DRICH1: variants seen among roughly 807,000 people sequenced by gnomAD.
DRICH1 encodes aspartate rich 1, also known as aspartate-rich protein 1.
DRICH1 carries 38 observed loss-of-function variants against 39.5 expected under a neutral mutation model. That is an observed-to-expected ratio of 0.96 (90% CI 0.74 to 1.26). The LOEUF is 1.26. Ranked by LOEUF, DRICH1 falls within the 50% of genes most tolerant of loss-of-function variation. The pLI is 0.00. For missense variants in DRICH1, 279 were observed against 270.4 expected, an observed-to-expected ratio of 1.03 and a Z score of -0.22; for synonymous variants, 84 against 99.5, an observed-to-expected ratio of 0.84 and a Z score of 0.93.
the DRICH1 span, among the ~76,000 whole-genome samples, chr22:23,601,157 C>T: frequency 9.2e-5 from 14 of 151,862 alleles, no homozygotes; most frequent in Non-Finnish European, 1.6e-4. Context: ...CACACACACA[C>T]ACACACACAC....
At chr22:23,606,558 T>C (rs564500856), downstream of DRICH1, among the ~76,000 whole-genome samples, 2 of 152,274 alleles carry the variant, frequency 1.3e-5, no homozygotes, top group Non-Finnish European at 2.9e-5. Flanking sequence ...CAAGCTCTTC[T>C]CAAAGGCTGG....
At chr22:23,605,851 T>A (rs1472056635), downstream of DRICH1, among the ~76,000 whole-genome samples, 3 of 151,374 alleles carry the variant, frequency 2.0e-5, no homozygotes, top group South Asian at 2.1e-4. Context: ...GAGGCCGGGG[T>A]GGGTGGATAA....
chr22:23,619,782 C>G (rs904550747), intron 5 of DRICH1, among the ~76,000 whole-genome samples: 1 of 152,194 alleles, frequency 6.6e-6, no homozygotes, highest in Non-Finnish European at 1.5e-5. Flanking sequence ...GCAGTGAGCC[C>G]AGAGTGAATT....
At chr22:23,603,488 G>T (rs114896487), downstream of DRICH1, among the ~76,000 whole-genome samples, 667 of 152,150 alleles carry the variant, frequency 4.4e-3, 5 homozygotes, top group African/African-American at 0.015. Flanking sequence ...CTGATGATCA[G>T]TCTCCTACCC....
the DRICH1 span, among the ~76,000 whole-genome samples, chr22:23,591,659 G>T: frequency 6.6e-6 from 1 of 152,166 alleles, no homozygotes; most frequent in Non-Finnish European, 1.5e-5. Context: ...TGAGGCGTAG[G>T]GGGTCCTGTC....
chr22:23,603,223 A>AT, the DRICH1 span, among the ~76,000 whole-genome samples: 55,379 of 150,884 alleles, frequency 0.37, 10,646 homozygotes, highest in East Asian at 0.57. Flanking sequence ...CATTTTTATG[A>AT]TTTTTCATAC....
the DRICH1 span, among the ~76,000 whole-genome samples, chr22:23,603,405 A>G: frequency 6.6e-6 from 1 of 151,288 alleles, no homozygotes; most frequent in Non-Finnish European, 1.5e-5. Context: ...GGACCTGGCT[A>G]CCCCCACTCT....
intron 3 of DRICH1, among the ~76,000 whole-genome samples, chr22:23,622,480 T>TGAAACTCTTCAAAACCTGA (rs1377481783): frequency 6.6e-6 from 1 of 152,018 alleles, no homozygotes; most frequent in Non-Finnish European, 1.5e-5. Context: ...TCAAATGTTT[T>TGAAACTCTTCAAAACCTGA]GAAACTCTTC....
downstream of DRICH1, among the ~76,000 whole-genome samples, chr22:23,606,161 G>T (rs1249557164): frequency 6.6e-6 from 1 of 151,498 alleles, no homozygotes; most frequent in African/African-American, 2.4e-5. Context: ...GCTAGTGTCT[G>T]CCCAGGCCCC....
the DRICH1 span, among the ~76,000 whole-genome samples, chr22:23,594,585 T>C: frequency 2.4e-4 from 37 of 152,350 alleles, no homozygotes; most frequent in African/African-American, 8.7e-4. Context: ...TTAGTCATTG[T>C]TGAAGTTCAA....
intron 3 of DRICH1, among the ~76,000 whole-genome samples, chr22:23,622,540 G>A (rs1490211238): frequency 2.6e-5 from 4 of 152,086 alleles, no homozygotes; most frequent in Non-Finnish European, 5.9e-5. Flanking sequence ...CAGTACACTA[G>A]GATCCAATTA....
the DRICH1 span, among the ~76,000 whole-genome samples, chr22:23,592,364 G>A: frequency 2.7e-5 from 4 of 150,868 alleles, no homozygotes; most frequent in African/African-American, 9.7e-5. Flanking sequence ...GAGAGGAGGT[G>A]GCATCCAGTG....
At chr22:23,628,430 G>A (rs1045502621) in intron 1 of DRICH1, among the ~76,000 whole-genome samples, 3 of 152,126 alleles carry the variant, frequency 2.0e-5, no homozygotes, top group African/African-American at 4.8e-5. Flanking sequence ...AGTTGGGTGC[G>A]GTGGCACATG....
At position 23,614,147 on chromosome 22, in the gene DRICH1, A is replaced by G; in HGVS notation, c.609T>C (p.Asp203=). The change falls in exon 9 of 12, where the codon GAT becomes GAC. Residue 203 remains aspartate, a synonymous_variant. Transcript: ENST00000317749. ...AGGGAGGTCTTACGTGGATGTCATC[A>G]TCATCTTCTTCTTCTTCATCTTTGT... ...LRHKDEEEED[D]DDIHITARIE... The G allele has an allele frequency of 1.2e-6, 2 of 1,612,004 alleles. 1 individual carries two copies. The highest frequency in any genetic ancestry group is 2.2e-5 in the South Asian group (2 of 91,034).
chr22:23,598,822 T>TTCCATACAGGTGTGC, the DRICH1 span, among the ~76,000 whole-genome samples: 5 of 152,112 alleles, frequency 3.3e-5, no homozygotes, highest in East Asian at 7.8e-4. Context: ...TACAAGTGTG[T>TTCCATACAGGTGTGC]TCCATACAGG....
the DRICH1 span, among the ~76,000 whole-genome samples, chr22:23,602,980 C>T: frequency 3.3e-5 from 5 of 151,144 alleles, no homozygotes; most frequent in East Asian, 7.8e-4. Flanking sequence ...AGGCTGTTTC[C>T]ACTTTTCCCT....
At chr22:23,590,501 C>T in the DRICH1 span, among the ~76,000 whole-genome samples, 1 of 152,202 alleles carries the variant, frequency 6.6e-6, no homozygotes, top group South Asian at 2.1e-4. Flanking sequence ...TGGTCTCAAA[C>T]TCCTGAGCTC....
chr22:23,622,588 ATTAC>A (rs934133359), intron 3 of DRICH1, among the ~76,000 whole-genome samples: 3 of 152,194 alleles, frequency 2.0e-5, no homozygotes, highest in Non-Finnish European at 2.9e-5. Flanking sequence ...TAAAAGATCT[ATTAC>A]TTAATTAAAA....
At chr22:23,593,749 T>C in the DRICH1 span, among the ~76,000 whole-genome samples, 24 of 152,114 alleles carry the variant, frequency 1.6e-4, no homozygotes, top group South Asian at 5.0e-3. Flanking sequence ...TGAGCCAAGA[T>C]TGCGCCACTG....
Sources: gnomAD v4.1 joint callset for allele counts (sites outside exome capture counted in the v4.1 genomes callset) on GRCh38, gnomAD v4.1.1 for gene constraint, MANE v1.5 for transcripts, NCBI Gene and HGNC (gene_info 2026-07-23, HGNC 2026-07-21) for gene names.